Variants in STAG1 observed in about 807,000 individuals in gnomAD.
The protein encoded by STAG1 is STAG1 cohesin complex component, also known as cohesin subunit SA-1.
A neutral mutation model predicts 170.9 loss-of-function variants in STAG1; 26 were observed. That is an observed-to-expected ratio of 0.15 (90% CI 0.11 to 0.21). The LOEUF is 0.21. Ranked by LOEUF, STAG1 falls within the 10% of genes least tolerant of loss-of-function variation. STAG1 has a pLI of 1.00. For missense variants in STAG1, 964 were observed against 1,509.5 expected (o/e 0.64, Z 5.99); for synonymous variants, 514 against 497.7 (o/e 1.03, Z -0.44).
intron 4 of STAG1, among the ~76,000 whole-genome samples, chr3:136,573,763 G>C (rs570871401): frequency 2.0e-5 from 3 of 152,274 alleles, no homozygotes; most frequent in South Asian, 2.1e-4. Context: ...ACGAGGTCAG[G>C]AGATGGAGAC....
chr3:136,484,708 T>C (rs2089968818), intron 9 of STAG1, among the ~76,000 whole-genome samples: 1 of 151,224 alleles, frequency 6.6e-6, no homozygotes, highest in East Asian at 2.0e-4. Context: ...GATCTCAGAC[T>C]GCTGTGCCAG....
At chr3:136,393,590 CTTTTTTT>C (rs774648941) in intron 22 of STAG1, among the ~76,000 whole-genome samples, 1 of 130,132 alleles carries the variant, frequency 7.7e-6, no homozygotes, top group African/African-American at 2.8e-5. Flanking sequence ...TACGCTTCAT[CTTTTTTT>C]TTTTTTTTTT....
At chr3:136,564,328 G>T (rs1398541459) in intron 5 of STAG1, among the ~76,000 whole-genome samples, 1 of 152,150 alleles carries the variant, frequency 6.6e-6, no homozygotes, top group Admixed American at 6.5e-5. Flanking sequence ...TTACAAAAGA[G>T]TTTATCAATT....
At chr3:136,509,115 C>T (rs1397012420) in intron 7 of STAG1, among the ~76,000 whole-genome samples, 2 of 152,206 alleles carry the variant, frequency 1.3e-5, no homozygotes, top group African/African-American at 4.8e-5. Flanking sequence ...ATTCACAGTA[C>T]AAGTACAAGC....
chr3:136,638,188 G>A (rs1248695336), intron 1 of STAG1, among the ~76,000 whole-genome samples: 5 of 150,730 alleles, frequency 3.3e-5, no homozygotes, highest in Admixed American at 6.6e-5. Flanking sequence ...GTGCAATGGC[G>A]CGATCTCAGA....
chr3:136,704,797 T>C (rs538291863), intron 1 of STAG1, among the ~76,000 whole-genome samples: 5 of 122,788 alleles, frequency 4.1e-5, no homozygotes, highest in Non-Finnish European at 7.9e-5. Flanking sequence ...CACTCCAGCC[T>C]GGGTGAAGAG....
chr3:136,531,692 T>G (rs1576575912), intron 6 of STAG1, among the ~76,000 whole-genome samples: 1 of 144,336 alleles, frequency 6.9e-6, no homozygotes, highest in Non-Finnish European at 1.5e-5. Context: ...TTCTCACTCA[T>G]AGGTGGGAAT....
intron 31 of STAG1, 97 bp from the exon 32 acceptor site, chr3:136,340,702 A>G (rs1560043420): frequency 1.4e-6 from 1 of 733,654 alleles, no homozygotes; most frequent in South Asian, 1.6e-5. Flanking sequence ...CAAGTGAAGT[A>G]TACCTTCTAA....
At chr3:136,689,978 T>C (rs1353979836) in intron 1 of STAG1, among the ~76,000 whole-genome samples, 3 of 133,444 alleles carry the variant, frequency 2.2e-5, no homozygotes, top group African/African-American at 8.8e-5. Context: ...AGGCAGAGGC[T>C]ACAGTGAGCC....
chr3:136,676,589 G>C (rs1942134784), intron 1 of STAG1, among the ~76,000 whole-genome samples: 1 of 152,084 alleles, frequency 6.6e-6, no homozygotes, highest in Non-Finnish European at 1.5e-5. Context: ...AAGACTAAAG[G>C]CATGTGCCAC....
intron 16 of STAG1, among the ~76,000 whole-genome samples, chr3:136,428,722 A>G (rs1009155945): frequency 2.0e-5 from 3 of 152,228 alleles, no homozygotes; most frequent in African/African-American, 7.2e-5. Flanking sequence ...GATGTTATGT[A>G]CGATTTCACA....
intron 1 of STAG1, among the ~76,000 whole-genome samples, chr3:136,649,503 CAA>C (rs761067087): frequency 1.1e-3 from 80 of 70,866 alleles, no homozygotes; most frequent in African/African-American, 3.4e-3. Context: ...AAAACAGAAA[CAA>C]AAAAAAAAAA....
At chr3:136,575,915 C>G (rs13065626) in intron 4 of STAG1, among the ~76,000 whole-genome samples, 14,566 of 152,142 alleles carry the variant, frequency 0.096, 907 homozygotes, top group Middle Eastern at 0.16. Context: ...CCTCCTTGAA[C>G]GTTCTTCACT....
chr3:136,454,674 C>A (rs1381357470), intron 13 of STAG1, among the ~76,000 whole-genome samples: 3 of 152,164 alleles, frequency 2.0e-5, no homozygotes, highest in African/African-American at 7.2e-5. Flanking sequence ...GCCACCATGC[C>A]CAGTTTGTGC....
intron 4 of STAG1, among the ~76,000 whole-genome samples, chr3:136,597,830 TG>T (rs1938496178): frequency 6.6e-6 from 1 of 151,924 alleles, no homozygotes; most frequent in African/African-American, 2.4e-5. Context: ...GTTCCAGTAC[TG>T]AACAGCAGTA....
intron 20 of STAG1, among the ~76,000 whole-genome samples, chr3:136,420,765 C>T (rs190642830): frequency 6.6e-6 from 1 of 152,212 alleles, no homozygotes; most frequent in East Asian, 1.9e-4. Flanking sequence ...GCTTACACAC[C>T]TGGGTTACTA....
chr3:136,565,683 C>T lies in STAG1; in HGVS notation c.394+3082G>A, dbSNP rs1937049735. Among the ~76,000 whole-genome samples, 3 of 152,316 alleles carry T rather than the reference C, an allele frequency of 2.0e-5. No individual in the cohort carries two copies. In the South Asian group the frequency reaches 6.2e-4, roughly 32 times the overall value. ...TAGCAATTCTACTCCTAAGAATTTA[C>T]ACCTCAAAGACTCAAAAACGGCACT... On this transcript the variant is annotated intron_variant, in intron 5 of 33. Coordinates refer to ENST00000383202, the MANE Select transcript of STAG1 (RefSeq NM_005862.3).
At chr3:136,664,062 T>G (rs1051650699) in intron 1 of STAG1, among the ~76,000 whole-genome samples, 7 of 152,284 alleles carry the variant, frequency 4.6e-5, no homozygotes, top group South Asian at 4.1e-4. Flanking sequence ...TCTTCTTGCT[T>G]AAAGAGTTGA....
chr3:136,661,709 C>A (rs564834582), intron 1 of STAG1, among the ~76,000 whole-genome samples: 2 of 152,196 alleles, frequency 1.3e-5, no homozygotes, highest in South Asian at 4.1e-4. Flanking sequence ...AAATCAAATA[C>A]TGAATTCAAA....
Sources: gnomAD v4.1 joint callset for allele counts (sites outside exome capture counted in the v4.1 genomes callset) on GRCh38, gnomAD v4.1.1 for gene constraint, MANE v1.5 for transcripts, NCBI Gene and HGNC (gene_info 2026-07-23, HGNC 2026-07-21) for gene names.